CTBP2: variants seen among roughly 807,000 people sequenced by gnomAD.
CTBP2 encodes C-terminal binding protein 2, also known as C-terminal-binding protein 2.
CTBP2 carries 30 observed loss-of-function variants against 80.3 expected under a neutral mutation model. The observed-to-expected ratio is 0.37, with a 90% CI of 0.28 to 0.51. The LOEUF (loss-of-function observed/expected upper bound fraction) is 0.51. Among genes scored for constraint, CTBP2 ranks in the 20% least tolerant of loss-of-function variants. CTBP2 has a pLI of 0.93. For missense variants in CTBP2, 1,212 were observed against 1,375.3 expected, an observed-to-expected ratio of 0.88 and a Z score of 1.88; for synonymous variants, 594 against 587.4, an observed-to-expected ratio of 1.01 and a Z score of -0.16.
chr10:125,030,702 T>C (rs1430589275), upstream of CTBP2, among the ~76,000 whole-genome samples: 1 of 152,220 alleles, frequency 6.6e-6, no homozygotes, highest in Non-Finnish European at 1.5e-5. Flanking sequence ...GAGGGCCATT[T>C]GGCTCAATGG....
At position 124,988,322 on chromosome 10, in the gene CTBP2, T is replaced by C. The variant is rs1178557684; in HGVS notation, c.*1196A>G. On this transcript the variant is annotated 3_prime_UTR_variant, in exon 9 of 9. Transcript: ENST00000309035. ...TTACATTAGTGAGATGTACTTGAAT[T>C]TCAGAACTTAACAAATTTTAATTAC... 1.3e-5 allele frequency: 2 copies of C among 152,622 alleles called. No individual in the cohort carries two copies. The highest frequency in any genetic ancestry group is 4.8e-5 in the African/African-American group (2 of 41,436). 9.5% of individuals were successfully genotyped at this position (152,622 alleles called of 1,614,324 possible).
At chr10:125,049,249 C>T (rs940823708) in intron 2 of CTBP2, among the ~76,000 whole-genome samples, 1 of 152,138 alleles carries the variant, frequency 6.6e-6, no homozygotes, top group East Asian at 1.9e-4. Context: ...CTACGGGAGA[C>T]AGATGTGCCT....
intron 1 of CTBP2, among the ~76,000 whole-genome samples, chr10:125,125,067 G>A (rs966918745): frequency 5.3e-5 from 8 of 152,160 alleles, no homozygotes; most frequent in African/African-American, 1.4e-4. Context: ...TAGCCACAGG[G>A]CTCAACACCA....
In CTBP2 at chr10:125,115,493, G is replaced by T. The variant is rs550167548; in HGVS notation, c.-205-4400C>A. On this transcript the variant is annotated intron_variant, in intron 1 of 10. Transcript: ENST00000337195. Reference sequence around the variant, plus strand: ...ATCGGTGGCTGAGAAGTAGTATCCTGCCTGTGATTTGGAGGTAACAGCATC... The same window carrying T: ...ATCGGTGGCTGAGAAGTAGTATCCTTCCTGTGATTTGGAGGTAACAGCATC... Among the ~76,000 whole-genome samples the T allele has an allele frequency of 4.6e-5, 7 of 152,286 alleles. No homozygotes were observed. In the South Asian group the frequency reaches 1.5e-3, roughly 32 times the overall value.
rs560166256 is a variant in CTBP2, at chr10:125,101,297, C to T, written c.-102+9693G>A. Among the ~76,000 whole-genome samples the T allele has an allele frequency of 2.3e-3, 355 of 152,364 alleles. 2 individuals are homozygous for T. The highest frequency in any genetic ancestry group is 6.8e-3 in the Middle Eastern group (2 of 294). On this transcript the variant is annotated intron_variant, in intron 2 of 10. Transcript: ENST00000337195. Reference sequence around the variant, plus strand: ...CCTCATGTCTTCGTCCTCTCCATGGCTGGCCTCAGGCTCTTTGGTCACACT... The same window carrying T: ...CCTCATGTCTTCGTCCTCTCCATGGTTGGCCTCAGGCTCTTTGGTCACACT...
At chr10:125,156,510 T>A (rs1860944616) in intron 1 of CTBP2, among the ~76,000 whole-genome samples, 2 of 152,354 alleles carry the variant, frequency 1.3e-5, no homozygotes, top group East Asian at 3.9e-4. Context: ...TGGTGCTAGA[T>A]CTCAGCAGGG....
chr10:125,134,845 C>T (rs1046347833), intron 1 of CTBP2, among the ~76,000 whole-genome samples: 1 of 151,936 alleles, frequency 6.6e-6, no homozygotes, highest in African/African-American at 2.4e-5. Flanking sequence ...ATAGCCCTCC[C>T]CACTCCACCT....
intron 1 of CTBP2, among the ~76,000 whole-genome samples, chr10:125,136,838 G>A (rs1211897737): frequency 6.6e-6 from 1 of 152,220 alleles, no homozygotes; most frequent in Non-Finnish European, 1.5e-5. Context: ...TCTAGGGGCA[G>A]AGACGTAAAA....
At chr10:124,998,305 G>C (rs373126313) in intron 3 of CTBP2, 135 bp from the exon 6 acceptor site, 7 of 993,000 alleles carry the variant, frequency 7.0e-6, no homozygotes, top group Non-Finnish European at 1.0e-5. Context: ...TAGCAGACGC[G>C]GGGCTGGGCA....
At chr10:125,121,446 G>A (rs930641330) in intron 1 of CTBP2, among the ~76,000 whole-genome samples, 1 of 152,186 alleles carries the variant, frequency 6.6e-6, no homozygotes, top group African/African-American at 2.4e-5. Context: ...CAAGGTTGGG[G>A]GAGATTTCAA....
intron 2 of CTBP2, among the ~76,000 whole-genome samples, chr10:125,054,646 ATAAC>A (rs1194850631): frequency 6.6e-6 from 1 of 152,244 alleles, no homozygotes; most frequent in African/African-American, 2.4e-5. Flanking sequence ...ACAGCAATAG[ATAAC>A]TAATACAACC....
chr10:125,115,949 A>G lies in CTBP2; in HGVS notation c.-205-4856T>C, dbSNP rs553335890. Among the ~76,000 whole-genome samples, 25 of 152,262 alleles carry G rather than the reference A, an allele frequency of 1.6e-4. No homozygotes were observed. The East Asian group carries it at 3.7e-3, about 22-fold the overall frequency. ...CCTATACTCCACACCCCTGCCCACC[A>G]CAAACATCCAGGCTTCCTCAGAGAC... On this transcript the variant is annotated intron_variant, in intron 1 of 10. Transcript: ENST00000337195.
intron 2 of CTBP2, among the ~76,000 whole-genome samples, chr10:125,075,224 A>G (rs1390068571): frequency 6.6e-6 from 1 of 152,234 alleles, no homozygotes; most frequent in Non-Finnish European, 1.5e-5. Flanking sequence ...TCTAGAATAT[A>G]TCAAGAATTT....
chr10:125,125,332 T>C (rs1855049491), intron 1 of CTBP2, among the ~76,000 whole-genome samples: 1 of 151,712 alleles, frequency 6.6e-6, no homozygotes, highest in African/African-American at 2.4e-5. Context: ...AGCTTAGATA[T>C]ATCTTTCTTC....
At chr10:124,990,396 GA>G (rs1467953835) in intron 8 of CTBP2, among the ~76,000 whole-genome samples, 1 of 152,160 alleles carries the variant, frequency 6.6e-6, no homozygotes, top group East Asian at 1.9e-4. Flanking sequence ...AAAGCAAGGA[GA>G]AGTCTCAATT....
chr10:125,132,029 T>G (rs780403014), intron 1 of CTBP2, among the ~76,000 whole-genome samples: 41 of 152,172 alleles, frequency 2.7e-4, no homozygotes, highest in Non-Finnish European at 4.6e-4. Flanking sequence ...GGAAGCATTA[T>G]AGCACTCTGG....
At chr10:125,091,636 C>A (rs1152666) in intron 2 of CTBP2, among the ~76,000 whole-genome samples, 4,744 of 152,180 alleles carry the variant, frequency 0.031, 222 homozygotes, top group African/African-American at 0.11. Flanking sequence ...AGCTGGGCAT[C>A]GTGATGCATG....
chr10:125,005,101 G>C (rs1955058751), intron 1 of CTBP2, among the ~76,000 whole-genome samples: 1 of 152,232 alleles, frequency 6.6e-6, no homozygotes. Context: ...ATCCTGTTAA[G>C]ACTATACACG....
At position 125,066,431 on chromosome 10, in the gene CTBP2, C is replaced by T. The variant is rs1008982995; in HGVS notation, c.-101-27276G>A. On this transcript the variant is annotated intron_variant, in intron 2 of 10. Coordinates refer to the CTBP2 transcript ENST00000337195. This position sits in a 1 kb window ranked among gnomAD's most constrained non-coding sequence, Gnocchi z 4.1. ...ATGCTAGGTGAGTGCAGGGCAGGAA[C>T]GGAAGGCAAGCAGGGTGCGCAGATG... 3.9e-5 allele frequency among the ~76,000 whole-genome samples: 6 copies of T among 152,228 alleles called. No individual in the cohort carries two copies. Among genetic ancestry groups the T allele is most frequent in the African/African-American group, 9.6e-5 (4 of 41,536 alleles).
Sources: gnomAD v4.1 joint callset for allele counts (sites outside exome capture counted in the v4.1 genomes callset) on GRCh38, gnomAD v4.1.1 for gene constraint, Gnocchi (gnomAD v3.1) non-coding constraint, MANE v1.5 for transcripts, NCBI Gene and HGNC (gene_info 2026-07-23, HGNC 2026-07-21) for gene names.